HERC4: variants seen among roughly 807,000 people sequenced by gnomAD.
HERC4 encodes the protein probable E3 ubiquitin-protein ligase HERC4.
Under a neutral mutation model 124.3 loss-of-function variants are expected in HERC4, and 28 were observed. The observed-to-expected ratio is 0.23, with a 90% confidence interval of 0.17 to 0.31. The LOEUF is 0.31. HERC4 is among the 10% of genes least tolerant of loss of function. The pLI is 1.00. For synonymous variants in HERC4, 407 were observed against 421.5 expected (o/e 0.97, Z 0.42); for missense variants, 713 against 1,229.3 (o/e 0.58, Z 6.28).
At chr10:67,924,839 T>C (rs2030697833) in intron 24 of HERC4, among the ~76,000 whole-genome samples, 2 of 152,248 alleles carry the variant, frequency 1.3e-5, no homozygotes, top group East Asian at 3.8e-4. Flanking sequence ...CACAGTTTAT[T>C]GTAACTATAA....
chr10:68,042,091 A>G (rs1034449396), intron 4 of HERC4, among the ~76,000 whole-genome samples: 1 of 152,088 alleles, frequency 6.6e-6, no homozygotes, highest in Non-Finnish European at 1.5e-5. Context: ...ATCTCGGCTC[A>G]CTGCAACCTC....
intron 7 of HERC4, among the ~76,000 whole-genome samples, chr10:68,028,419 G>T (rs1193900304): frequency 6.6e-6 from 1 of 152,106 alleles, no homozygotes; most frequent in Non-Finnish European, 1.5e-5. Flanking sequence ...TCCAGTGAAA[G>T]CTCCTTCAAG....
intron 19 of HERC4, among the ~76,000 whole-genome samples, chr10:67,950,287 T>C (rs1371215449): frequency 2.0e-5 from 3 of 151,652 alleles, no homozygotes; most frequent in Non-Finnish European, 4.4e-5. Flanking sequence ...GGAGATTTTT[T>C]TTTTTTTGAG....
chr10:67,992,611 G>T lies in HERC4; in HGVS notation c.1141C>A (p.Pro381Thr). 3 of 1,503,338 alleles carry T rather than the reference G, an allele frequency of 2.0e-6. No individual in the cohort carries two copies. Among genetic ancestry groups the T allele is most frequent in the Non-Finnish European group, 2.8e-6 (3 of 1,090,180 alleles). 93.1% of individuals were successfully genotyped at this position (1,503,338 alleles called of 1,614,324 possible). A position where few individuals can be genotyped will look rare whatever the true frequency, so the allele number is the denominator to read the frequency against. The change falls in exon 10 of 25, where the codon CCC (proline) becomes ACC (threonine). Residue 381 changes from proline (P) to threonine (T), a missense_variant. Transcript: ENST00000373700. ...TTACATGACTATATTATTACCTGGG[G>T]ACTAGAGTAATGTGAAAAGCTTTGA... The part of the protein sequence containing the change: ...GDQSFSHYSS[P>T]QNCGPPDDFR...
intron 9 of HERC4, among the ~76,000 whole-genome samples, chr10:68,003,396 A>G (rs191339197): frequency 1.4e-5 from 2 of 140,724 alleles, no homozygotes; most frequent in East Asian, 4.3e-4. Context: ...GATGGTCTTG[A>G]TCTCCTGACC....
intron 4 of HERC4, chr10:68,040,479 T>C: frequency 1.3e-6 from 1 of 748,436 alleles, no homozygotes; most frequent in Non-Finnish European, 1.6e-6. Flanking sequence ...AGAGATAAAT[T>C]AGAAAATAAT....
intron 5 of HERC4, among the ~76,000 whole-genome samples, chr10:68,037,107 T>C (rs1056010046): frequency 6.7e-6 from 1 of 148,572 alleles, no homozygotes; most frequent in Admixed American, 6.7e-5. Context: ...TTTTTTTTTT[T>C]TTTTTGAGAC....
chr10:67,951,064 G>A (rs1006567476), intron 19 of HERC4, among the ~76,000 whole-genome samples: 1 of 152,110 alleles, frequency 6.6e-6, no homozygotes, highest in East Asian at 1.9e-4. Context: ...CGGCTCCAAG[G>A]GGCTCTCACC....
At chr10:67,932,863 C>T in intron 22 of HERC4, 83 bp from the exon 23 acceptor site, 3 of 1,225,696 alleles carry the variant, frequency 2.4e-6, no homozygotes, top group South Asian at 1.4e-5. Flanking sequence ...ACTTCAAGTG[C>T]TCCTACAATT....
chr10:68,013,947 G>T lies in HERC4; in HGVS notation c.1069+79C>A, dbSNP rs969389252. On this transcript the variant is annotated intron_variant, in intron 9 of 24. Coordinates refer to ENST00000373700, the MANE Select transcript of HERC4 (RefSeq NM_015601.4). Reference sequence around the variant, plus strand: ...CAATGTATCTTGGAATTCTTTCGCAGAAATCTTCATGATTTAAGAGCAACA... The same window carrying T: ...CAATGTATCTTGGAATTCTTTCGCATAAATCTTCATGATTTAAGAGCAACA... The T allele has an allele frequency of 6.6e-6, 8 of 1,220,048 alleles. No homozygotes were observed. The Middle Eastern group carries it at 1.0e-3, about 157-fold the overall frequency. The allele number at this position is 1,220,048 out of a possible 1,614,324, so 75.6% of individuals were successfully genotyped here.
rs141514843 is a variant in HERC4 at position 68,003,306 on chromosome 10, C to T, written c.1070-10624G>A. Among the ~76,000 whole-genome samples, 1,099 of 150,254 alleles carry T rather than the reference C, an allele frequency of 7.3e-3. 17 individuals are homozygous for T. Among genetic ancestry groups the T allele is most frequent in the African/African-American group, 0.025 (1,042 of 40,916 alleles). ...GTAGCTGGGACTACAGGCCTGCAGGCGCCTGCCACCATGCCTGACTAATTT... is the reference window on the plus strand; with the variant it reads ...GTAGCTGGGACTACAGGCCTGCAGGTGCCTGCCACCATGCCTGACTAATTT... On this transcript the variant is annotated intron_variant, in intron 9 of 24. Transcript: ENST00000373700.
intron 3 of HERC4, among the ~76,000 whole-genome samples, chr10:68,053,362 G>A (rs939202646): frequency 1.3e-5 from 2 of 151,456 alleles, no homozygotes; most frequent in African/African-American, 4.9e-5. Context: ...GGAGTGCAGT[G>A]GTGAAATTAC....
At chr10:67,954,766 T>C (rs747684551) in intron 18 of HERC4, 28 bp from the exon 19 acceptor site, 3 of 1,602,964 alleles carry the variant, frequency 1.9e-6, no homozygotes, top group Non-Finnish European at 2.6e-6. Context: ...AAACACCAAA[T>C]AGACTGTAAA....
chr10:67,987,530 G>C (rs1406615029), intron 15 of HERC4, among the ~76,000 whole-genome samples: 1 of 152,140 alleles, frequency 6.6e-6, no homozygotes, highest in Non-Finnish European at 1.5e-5. Flanking sequence ...CATGTAGTTA[G>C]AGAATCTTCT....
At chr10:68,010,702 G>A in intron 9 of HERC4, 1 of 1,481,856 alleles carries the variant, frequency 6.7e-7, no homozygotes, top group African/African-American at 1.4e-5. Flanking sequence ...TGTTCTTGAA[G>A]CTAAGCTGTT....
chr10:67,986,548 G>A (rs759854763), intron 15 of HERC4, among the ~76,000 whole-genome samples: 1 of 151,900 alleles, frequency 6.6e-6, no homozygotes, highest in African/African-American at 2.4e-5. Flanking sequence ...GTGGAGACGG[G>A]GTTTCACCAT....
chr10:68,009,224 CATT>C (rs1485771666), intron 9 of HERC4, among the ~76,000 whole-genome samples: 5 of 144,064 alleles, frequency 3.5e-5, no homozygotes, highest in Non-Finnish European at 7.7e-5. Context: ...GACTCTGTCT[CATT>C]AAAAAAAAAA....
At chr10:68,000,894 G>C (rs560351208) in intron 9 of HERC4, among the ~76,000 whole-genome samples, 2 of 152,290 alleles carry the variant, frequency 1.3e-5, no homozygotes, top group South Asian at 4.1e-4. Context: ...CTAGTCTGCA[G>C]AATAGTGAGC....
intron 9 of HERC4, among the ~76,000 whole-genome samples, chr10:67,999,580 T>TA (rs1468000631): frequency 1.3e-5 from 2 of 152,232 alleles, no homozygotes; most frequent in African/African-American, 4.8e-5. Context: ...TGAAGTACAT[T>TA]AGGATTCCTC....
Sources: allele counts gnomAD v4.1 joint callset (sites outside exome capture counted in the v4.1 genomes callset), GRCh38; gene constraint gnomAD v4.1.1; transcripts MANE v1.5; gene names NCBI Gene and HGNC (gene_info 2026-07-23, HGNC 2026-07-21).